ADAMTSL1: variants seen among roughly 807,000 people sequenced by gnomAD.
ADAMTSL1 encodes the protein ADAMTS-like protein 1.
Under a neutral mutation model 201.8 loss-of-function variants are expected in ADAMTSL1, and 126 were observed. The ratio of observed to expected loss-of-function variants is 0.62; its 90% CI spans 0.54 to 0.72. The LOEUF (loss-of-function observed/expected upper bound fraction) is 0.72. ADAMTSL1 is among the 30% of genes least tolerant of loss of function. ADAMTSL1 has a pLI of 0.00. For synonymous variants in ADAMTSL1, 1,121 were observed against 903.4 expected, an observed-to-expected ratio of 1.24 and a Z score of -4.32; for missense variants, 2,679 against 2,277.8, an observed-to-expected ratio of 1.18 and a Z score of -3.59.
intron 2 of ADAMTSL1, among the ~76,000 whole-genome samples, chr9:18,213,550 G>A (rs943170815): frequency 9.2e-5 from 14 of 152,174 alleles, no homozygotes; most frequent in Admixed American, 2.0e-4. Context: ...AAGCATAAAG[G>A]TGTCTTTTTG....
chr9:18,693,819 A>G (rs981368641), intron 13 of ADAMTSL1, among the ~76,000 whole-genome samples: 7 of 152,234 alleles, frequency 4.6e-5, no homozygotes, highest in Admixed American at 1.3e-4. Flanking sequence ...TAGCTGTTCT[A>G]AGAAAATGGA....
intron 19 of ADAMTSL1, among the ~76,000 whole-genome samples, chr9:18,778,321 C>A (rs2289006): frequency 0.31 from 46,856 of 152,130 alleles, 7,597 homozygotes; most frequent in Middle Eastern, 0.41. Flanking sequence ...TGTGGTCCCC[C>A]AGGGCTGGGC....
chr9:18,634,366 C>T (rs1456976500), intron 5 of ADAMTSL1, among the ~76,000 whole-genome samples: 2 of 151,540 alleles, frequency 1.3e-5, no homozygotes, highest in Non-Finnish European at 2.9e-5. Context: ...GAGTTCAAGA[C>T]AAGCGTGGGC....
chr9:17,968,742 G>A (rs1722573908), intron 1 of ADAMTSL1, among the ~76,000 whole-genome samples: 1 of 152,092 alleles, frequency 6.6e-6, no homozygotes, highest in South Asian at 2.1e-4. Flanking sequence ...TTTAAAACCA[G>A]TATCTATGCA....
At chr9:18,118,318 A>G (rs1825346980) in intron 1 of ADAMTSL1, among the ~76,000 whole-genome samples, 1 of 152,226 alleles carries the variant, frequency 6.6e-6, no homozygotes, top group Non-Finnish European at 1.5e-5. Flanking sequence ...AGGAGGATCC[A>G]GTGTGAAATC....
intron 1 of ADAMTSL1, among the ~76,000 whole-genome samples, chr9:18,081,535 G>T (rs1823499413): frequency 6.6e-6 from 1 of 151,984 alleles, no homozygotes; most frequent in Non-Finnish European, 1.5e-5. Flanking sequence ...GGTGGATCAG[G>T]GCAATACTTT....
chr9:18,580,258 T>C (rs1367093381), intron 4 of ADAMTSL1, among the ~76,000 whole-genome samples: 1 of 152,154 alleles, frequency 6.6e-6, no homozygotes, highest in East Asian at 1.9e-4. Flanking sequence ...GTCTTTATTC[T>C]GGCAACATCA....
chr9:18,627,489 A>T (rs1018256149), intron 5 of ADAMTSL1, among the ~76,000 whole-genome samples: 3 of 152,228 alleles, frequency 2.0e-5, no homozygotes, highest in Non-Finnish European at 4.4e-5. Context: ...GAAAACTGAA[A>T]TAGGTTTCAC....
At chr9:18,514,291 G>T (rs1040794528) in intron 2 of ADAMTSL1, among the ~76,000 whole-genome samples, 76 of 124,770 alleles carry the variant, frequency 6.1e-4, no homozygotes, top group Middle Eastern at 4.4e-3. Flanking sequence ...TGGATAGTTT[G>T]TTATTAGTGT....
intron 1 of ADAMTSL1, among the ~76,000 whole-genome samples, chr9:18,053,247 C>T (rs1822015378): frequency 6.6e-6 from 1 of 152,032 alleles, no homozygotes; most frequent in African/African-American, 2.4e-5. Flanking sequence ...AGTACAGTAC[C>T]TGCTCTGGAT....
intron 1 of ADAMTSL1, among the ~76,000 whole-genome samples, chr9:18,476,198 C>T (rs1303745734): frequency 1.3e-5 from 2 of 152,108 alleles, no homozygotes; most frequent in East Asian, 3.8e-4. Context: ...TTAGTAATAG[C>T]TGTCATGTAT....
chr9:18,461,881 T>G (rs1421036995), intron 2 of ADAMTSL1, among the ~76,000 whole-genome samples: 10 of 151,976 alleles, frequency 6.6e-5, no homozygotes, highest in Non-Finnish European at 2.9e-5. Flanking sequence ...CCCCCTCCAC[T>G]CCCCCATTCC....
chr9:18,254,667 GCC>G (rs530444304), intron 2 of ADAMTSL1, among the ~76,000 whole-genome samples: 1 of 41,816 alleles, frequency 2.4e-5, no homozygotes, highest in African/African-American at 8.1e-5. Flanking sequence ...CTGCCCCCCC[GCC>G]CCCCCCAGTA....
At chr9:18,304,067 T>G (rs1320693960) in intron 2 of ADAMTSL1, among the ~76,000 whole-genome samples, 3 of 152,194 alleles carry the variant, frequency 2.0e-5, no homozygotes, top group African/African-American at 7.2e-5. Flanking sequence ...CAGGGTCTAT[T>G]TATGTATCAA....
At chr9:18,057,191 C>A (rs1027445598) in intron 1 of ADAMTSL1, among the ~76,000 whole-genome samples, 1 of 152,250 alleles carries the variant, frequency 6.6e-6, no homozygotes, top group East Asian at 1.9e-4. Flanking sequence ...ACAGACTTTG[C>A]ATTTGCCACA....
intron 2 of ADAMTSL1, among the ~76,000 whole-genome samples, chr9:18,199,738 T>C (rs903052285): frequency 6.6e-6 from 1 of 152,106 alleles, no homozygotes; most frequent in Non-Finnish European, 1.5e-5. Flanking sequence ...CATAGAGATA[T>C]ATGCTGATCC....
At chr9:18,772,451 T>C (rs774528707) in intron 17 of ADAMTSL1, among the ~76,000 whole-genome samples, 60 of 152,172 alleles carry the variant, frequency 3.9e-4, no homozygotes, top group Non-Finnish European at 5.9e-4. Flanking sequence ...TCCCATTAAG[T>C]ACAGTAGGCC....
intron 6 of ADAMTSL1, among the ~76,000 whole-genome samples, chr9:18,637,028 A>G (rs1479203357): frequency 6.6e-6 from 1 of 152,158 alleles, no homozygotes; most frequent in East Asian, 1.9e-4. Context: ...TGAAGCCCAT[A>G]AAAGTCAAGA....
chr9:18,268,502 G>C (rs765894752), intron 2 of ADAMTSL1, among the ~76,000 whole-genome samples: 1 of 152,172 alleles, frequency 6.6e-6, no homozygotes, highest in Non-Finnish European at 1.5e-5. Context: ...AGGAGCAGGG[G>C]ACATTGAAAA....
Sources: allele counts gnomAD v4.1 joint callset (sites outside exome capture counted in the v4.1 genomes callset), GRCh38; gene constraint gnomAD v4.1.1; transcripts MANE v1.5; gene names NCBI Gene and HGNC (gene_info 2026-07-23, HGNC 2026-07-21).